Variants in OR56A3 observed in about 807,000 individuals in gnomAD.
OR56A3 encodes olfactory receptor 56A3.
Under a neutral mutation model 17.5 loss-of-function variants are expected in OR56A3, and 23 were observed. That is an observed-to-expected ratio of 1.32 (90% CI 0.95 to 1.87). OR56A3 has a LOEUF of 1.87. Ranked by LOEUF, OR56A3 falls within the 40% of genes most tolerant of loss-of-function variation. The pLI is 0.00. For synonymous variants in OR56A3, 175 were observed against 150.6 expected (o/e 1.16, Z -1.19); for missense variants, 366 against 380.1 (o/e 0.96, Z 0.31).
chr11:5,986,325 A>G, the OR56A3 span: 2 of 1,614,034 alleles, frequency 1.2e-6, no homozygotes, highest in Non-Finnish European at 8.5e-7. Context: ...CAAGTTTCAC[A>G]ACAGCCATAT....
chr11:6,014,456 T>C, the OR56A3 span, among the ~76,000 whole-genome samples: 1 of 152,218 alleles, frequency 6.6e-6, no homozygotes, highest in African/African-American at 2.4e-5. Context: ...TTCTTGGTCA[T>C]GCTCCTTCCA....
At position 5,949,025 on chromosome 11, in the gene OR56A3, A is replaced by G. The variant is rs1043284430; in HGVS notation, c.*731A>G. On this transcript the variant is annotated 3_prime_UTR_variant, in exon 3 of 3. Coordinates refer to ENST00000641160, the MANE Select transcript of OR56A3 (RefSeq NM_001003443.3). ...TTAGAACATTTATCTTTCAGATCCA[A>G]TATATCACAGGTTTTGATATGCAAA... 1 of 152,248 alleles carries G rather than the reference A, an allele frequency of 6.6e-6. No homozygotes were observed. Among genetic ancestry groups the G allele is most frequent in the Admixed American group, 6.5e-5 (1 of 15,286 alleles). 9.4% of individuals were successfully genotyped at this position (152,248 alleles called of 1,614,324 possible). A position where few individuals can be genotyped will look rare whatever the true frequency, so the allele number is the denominator to read the frequency against.
chr11:5,958,390 G>A, the OR56A3 span, among the ~76,000 whole-genome samples: 38,110 of 152,046 alleles, frequency 0.25, 4,826 homozygotes, highest in Non-Finnish European at 0.27. Flanking sequence ...AATGACACAT[G>A]GAGTAGGGCT....
chr11:5,946,455 ATG>A (rs1847870110), intron 2 of OR56A3, among the ~76,000 whole-genome samples: 2 of 152,210 alleles, frequency 1.3e-5, no homozygotes, highest in African/African-American at 4.8e-5. Flanking sequence ...AGAGAGGGAA[ATG>A]TGTGGCTATA....
chr11:5,976,782 T>C, the OR56A3 span, among the ~76,000 whole-genome samples: 1 of 152,150 alleles, frequency 6.6e-6, no homozygotes, highest in Non-Finnish European at 1.5e-5. Context: ...ATAAATTTCA[T>C]GTCGTAGGGG....
the OR56A3 span, among the ~76,000 whole-genome samples, chr11:5,993,228 G>C: frequency 6.6e-6 from 1 of 152,166 alleles, no homozygotes; most frequent in Non-Finnish European, 1.5e-5. Context: ...AGCATGCTGG[G>C]TCTTTTAGGC....
chr11:5,967,700 G>C, the OR56A3 span: 19 of 1,613,466 alleles, frequency 1.2e-5, no homozygotes, highest in African/African-American at 2.4e-4. Flanking sequence ...TCCTGGCCAG[G>C]TTAGTGATGA....
chr11:5,993,905 T>C, the OR56A3 span: 1 of 507,388 alleles, frequency 2.0e-6, no homozygotes, highest in Non-Finnish European at 3.7e-6. Flanking sequence ...GTCATTGGTC[T>C]CAGACACCAC....
chr11:5,979,675 G>C, the OR56A3 span, among the ~76,000 whole-genome samples: 3 of 151,746 alleles, frequency 2.0e-5, no homozygotes, highest in Admixed American at 1.3e-4. Flanking sequence ...TTGATCTTTT[G>C]TATAGTTTTT....
the OR56A3 span, chr11:6,002,400 T>C: frequency 6.9e-5 from 112 of 1,614,198 alleles, no homozygotes; most frequent in African/African-American, 1.2e-3. Context: ...GTAGAGCTGA[T>C]TGAAAGTGAT....
At chr11:5,976,060 A>AGG in the OR56A3 span, among the ~76,000 whole-genome samples, 382 of 152,174 alleles carry the variant, frequency 2.5e-3, 3 homozygotes, top group African/African-American at 8.8e-3. Context: ...GTGACTGTAA[A>AGG]GGGGGCAGTT....
intron 1 of OR56A3, among the ~76,000 whole-genome samples, chr11:5,943,824 A>G (rs887020141): frequency 5.3e-5 from 8 of 152,224 alleles, no homozygotes; most frequent in African/African-American, 1.7e-4. Context: ...GGATCAGAGG[A>G]TGCAATGAGC....
At chr11:6,003,537 C>T in the OR56A3 span, among the ~76,000 whole-genome samples, 1 of 152,142 alleles carries the variant, frequency 6.6e-6, no homozygotes, top group Non-Finnish European at 1.5e-5. Context: ...CATTGCATTA[C>T]AGGGAGCACT....
chr11:5,993,854 G>A, the OR56A3 span: 1 of 454,904 alleles, frequency 2.2e-6, no homozygotes, highest in Non-Finnish European at 4.0e-6. Flanking sequence ...CTCCCTAAAG[G>A]GTACTCTGCC....
the OR56A3 span, chr11:5,967,626 A>G: frequency 6.2e-7 from 1 of 1,614,008 alleles, no homozygotes; most frequent in South Asian, 1.1e-5. Flanking sequence ...AATGGGGTTC[A>G]GAGCTGGGGG....
chr11:5,945,668 T>C (rs1590444848), intron 2 of OR56A3, among the ~76,000 whole-genome samples: 1 of 151,732 alleles, frequency 6.6e-6, no homozygotes, highest in East Asian at 1.9e-4. Flanking sequence ...TAGGTAAGAT[T>C]AGGATTAGAA....
At chr11:5,944,494 A>C (rs1478308140) in intron 1 of OR56A3, among the ~76,000 whole-genome samples, 8 of 152,312 alleles carry the variant, frequency 5.3e-5, no homozygotes, top group Non-Finnish European at 8.8e-5. Flanking sequence ...AAAATATATA[A>C]AACAAAATCC....
chr11:5,986,792 G>T, the OR56A3 span: 1 of 1,614,040 alleles, frequency 6.2e-7, no homozygotes, highest in African/African-American at 1.3e-5. Flanking sequence ...CCCAGGGGCA[G>T]TGCAATCCAG....
the OR56A3 span, among the ~76,000 whole-genome samples, chr11:5,960,019 G>T: frequency 6.6e-6 from 1 of 152,204 alleles, no homozygotes; most frequent in Admixed American, 6.5e-5. Context: ...TGCTCCAGTG[G>T]TCTATATGCC....
Sources: gnomAD v4.1 joint callset for allele counts (sites outside exome capture counted in the v4.1 genomes callset) on GRCh38, gnomAD v4.1.1 for gene constraint, MANE v1.5 for transcripts, NCBI Gene and HGNC (gene_info 2026-07-23, HGNC 2026-07-21) for gene names.